ARID5A: variants seen among roughly 807,000 people sequenced by gnomAD.
ARID5A encodes AT-rich interactive domain-containing protein 5A.
Under a neutral mutation model 30.5 loss-of-function variants are expected in ARID5A, and 14 were observed. That is an observed-to-expected ratio of 0.46 (90% confidence interval 0.30 to 0.72). The LOEUF (loss-of-function observed/expected upper bound fraction) is 0.72, where lower values mean the gene tolerates loss of function less well. Among genes scored for constraint, ARID5A ranks in the 30% least tolerant of loss-of-function variants. The pLI, the probability that ARID5A is intolerant of heterozygous loss-of-function variation, is 0.07. For synonymous variants in ARID5A, 338 were observed against 340.4 expected (o/e 0.99, Z 0.08); for missense variants, 669 against 786.2 (o/e 0.85, Z 1.78).
intron 2 of ARID5A, among the ~76,000 whole-genome samples, chr2:96,547,931 T>G (rs941135728): frequency 6.6e-6 from 1 of 152,210 alleles, no homozygotes; most frequent in African/African-American, 2.4e-5. Context: ...CCGGCTTTCA[T>G]TCATTTTGGC....
chr2:96,537,733 C>T lies in ARID5A; in HGVS notation c.4+903C>T, dbSNP rs921606713. ...GGGCCAACCCGGGCCCGCGCTCCGT[C>T]CCTCCGCGGTGTCTAGGGGTCGCCC... On this transcript the variant is annotated intron_variant, in intron 1 of 6. Transcript: ENST00000357485. The surrounding 1 kb of genome is among the most constrained non-coding windows in gnomAD (Gnocchi z 4.8). The T allele has an allele frequency of 8.0e-5, 35 of 436,726 alleles. No homozygotes were observed. The highest frequency in any genetic ancestry group is 1.0e-4 in the Non-Finnish European group (34 of 328,352). 27.1% of individuals were successfully genotyped at this position (436,726 alleles called of 1,614,324 possible).
Position 96,550,045 on chromosome 2 carries a change from A to G in ARID5A, c.313-143A>G. 2 of 1,533,148 alleles carry G rather than the reference A, an allele frequency of 1.3e-6. No homozygotes were observed. Among genetic ancestry groups the G allele is most frequent in the South Asian group, 2.4e-5 (2 of 83,202 alleles). The allele number at this position is 1,533,148 out of a possible 1,614,324, so 95.0% of individuals were successfully genotyped here. On this transcript the variant is annotated intron_variant, in intron 4 of 6. Coordinates refer to ENST00000357485, the MANE Select transcript of ARID5A (RefSeq NM_212481.3). This position sits in a 1 kb window ranked among gnomAD's most constrained non-coding sequence, Gnocchi z 6.6. ...GGCCAGCAGTCCATGGCCCTAGGAG[A>G]GAGAATCGGCTGGCCGCTGCTGGAG...
chr2:96,549,267 C>G lies in ARID5A; in HGVS notation c.121-54C>G. 1 of 1,589,004 alleles carries G rather than the reference C, an allele frequency of 6.3e-7. No homozygotes were observed. The highest frequency in any genetic ancestry group is 8.6e-7 in the Non-Finnish European group (1 of 1,167,806). On this transcript the variant is annotated intron_variant, in intron 2 of 6. Coordinates refer to ENST00000357485, the MANE Select transcript of ARID5A (RefSeq NM_212481.3). The surrounding 1 kb of genome is among the most constrained non-coding windows in gnomAD (Gnocchi z 6.1). The stretch of plus-strand genomic sequence containing the variant: ...GCAGCCAGTGGTTTCTGCACATCCC[C>G]AGCAGCCAGCCACCAACTGGGGCCC...
Position 96,537,883 on chromosome 2 carries a change from T to G in ARID5A, c.4+1053T>G. ...CAGTGTCCCTTTGTTTGCAGAGTCT[T>G]GGGCCAGTAAGGAGTGCTCCGCGGG... On this transcript the variant is annotated intron_variant, in intron 1 of 6. Transcript: ENST00000357485. The surrounding 1 kb of genome is among the most constrained non-coding windows in gnomAD (Gnocchi z 4.8). 1.0e-6 allele frequency: 1 copy of G among 985,400 alleles called. No individual in the cohort carries two copies. The highest frequency in any genetic ancestry group is 1.2e-6 in the Non-Finnish European group (1 of 830,000). The allele number at this position is 985,400 out of a possible 1,614,324, so 61.0% of individuals were successfully genotyped here. A position where few individuals can be genotyped will look rare whatever the true frequency, so the allele number is the denominator to read the frequency against.
At chr2:96,544,596 G>GC (rs2065895875) in intron 1 of ARID5A, among the ~76,000 whole-genome samples, 1 of 152,140 alleles carries the variant, frequency 6.6e-6, no homozygotes, top group Non-Finnish European at 1.5e-5. Context: ...GAGACCTACT[G>GC]CTCAGAAAAA....
At position 96,547,406 on chromosome 2, in the gene ARID5A, C is replaced by A; in HGVS notation, c.9C>A (p.Ala3=). ...TCCTTCCCTCTCTCCTTGCAGCAGC[C>A]CCTGTCAAAGGGAACAGGAAGCAGT... The part of the protein sequence containing the change: MA[A]PVKGNRKQST... The change falls in exon 2 of 7, where the codon GCC becomes GCA. Residue 3 remains alanine, a synonymous_variant. Transcript: ENST00000357485. The A allele has an allele frequency of 6.2e-7, 1 of 1,613,644 alleles. No homozygotes were observed. Among genetic ancestry groups the A allele is most frequent in the South Asian group, 1.1e-5 (1 of 91,072 alleles).
chr2:96,551,655 G>A lies in ARID5A; in HGVS notation c.1127G>A (p.Gly376Asp). Residue 376 changes from glycine (G) to aspartate (D), a missense_variant, in exon 7 of 7, where the codon GGC becomes GAC. Gly to Asp is a moderately conservative substitution (Grantham distance 94, BLOSUM62 -1). Coordinates refer to ENST00000357485, the MANE Select transcript of ARID5A (RefSeq NM_212481.3). ...GATGGGGTGCTATTGGGGCCTCCTG[G>A]CAAAGAGGGGCTGTCAGTGAAAGAG... ...LKDGVLLGPP[G>D]KEGLSVKEPQ... 1 of 1,523,728 alleles carries A rather than the reference G, an allele frequency of 6.6e-7. No homozygotes were observed. Among genetic ancestry groups the A allele is most frequent in the South Asian group, 1.3e-5 (1 of 75,916 alleles). The allele number at this position is 1,523,728 out of a possible 1,614,324, so 94.4% of individuals were successfully genotyped here. A position where few individuals can be genotyped will look rare whatever the true frequency, so the allele number is the denominator to read the frequency against.
In ARID5A at chr2:96,552,198, C is replaced by T. The variant is rs765201285; in HGVS notation, c.1670C>T (p.Thr557Met). The change falls in exon 7 of 7, where the codon ACG becomes ATG. Residue 557 changes from threonine to methionine, a missense_variant. Physicochemically the swap from Thr to Met is moderately conservative, Grantham distance 81. Around this residue, in one of 4 missense-constraint regions of ARID5A, gnomAD observed 548 missense variants for 577.4 expected, o/e 0.95. Transcript: ENST00000357485. ...GCTGGCCTGATGCACTTCCCCCCAA[C>T]GTCCTTCGACAGTGCCCTCCGCCAC... ...MAAGLMHFPP[T>M]SFDSALRHRL... 3.0e-5 allele frequency: 49 copies of T among 1,613,400 alleles called. No individual in the cohort carries two copies. Among genetic ancestry groups the T allele is most frequent in the South Asian group, 2.1e-4 (19 of 91,054 alleles).
rs1487755144 is a variant in ARID5A, at chr2:96,550,294, G to T, written c.410+9G>T. 1 of 1,438,916 alleles carries T rather than the reference G, an allele frequency of 6.9e-7. No homozygotes were observed. The highest frequency in any genetic ancestry group is 2.9e-5 in the Admixed American group (1 of 33,994). The allele number at this position is 1,438,916 out of a possible 1,614,324, so 89.1% of individuals were successfully genotyped here. On this transcript the variant is annotated intron_variant, in intron 5 of 6. Coordinates refer to ENST00000357485, the MANE Select transcript of ARID5A (RefSeq NM_212481.3). This position sits in a 1 kb window ranked among gnomAD's most constrained non-coding sequence, Gnocchi z 6.6. ...CGCCGCCACTACGAGAGGTACGGCG[G>T]GGCGGGCCCGGGTGCTGGACGCCGC...
rs1273368354 is a variant in ARID5A at position 96,550,781 on chromosome 2, C to G, written c.570+48C>G. Reference sequence around the variant, plus strand: ...CCACCCTGTCCCTTGCCTCTTGTAGCCCCCTACCCCACAACTCCCTGTGGC... The same window carrying G: ...CCACCCTGTCCCTTGCCTCTTGTAGGCCCCTACCCCACAACTCCCTGTGGC... On this transcript the variant is annotated intron_variant, in intron 6 of 6. Coordinates refer to ENST00000357485, the MANE Select transcript of ARID5A (RefSeq NM_212481.3). This position sits in a 1 kb window ranked among gnomAD's most constrained non-coding sequence, Gnocchi z 6.6. 6.7e-7 allele frequency: 1 copy of G among 1,496,792 alleles called. No individual in the cohort carries two copies. The highest frequency in any genetic ancestry group is 2.4e-5 in the Admixed American group (1 of 41,820). 92.7% of individuals were successfully genotyped at this position (1,496,792 alleles called of 1,614,324 possible). A position where few individuals can be genotyped will look rare whatever the true frequency, so the allele number is the denominator to read the frequency against.
rs766940215 is a variant in ARID5A at position 96,551,440 on chromosome 2, G to A, written c.912G>A (p.Leu304=). The change falls in exon 7 of 7, where the codon CTG becomes CTA. Residue 304 remains leucine, a synonymous_variant. Transcript: ENST00000357485. ...AGAGTCCCCAGAGCCCCAAAGGGCT[G>A]ACTGAGAACTCCAGGCACCGGCTGA... The part of the protein sequence containing the change: ...LPESPQSPKG[L]TENSRHRLTP... The A allele has an allele frequency of 7.5e-6, 12 of 1,595,902 alleles. No individual in the cohort carries two copies. The East Asian group carries it at 1.6e-4, about 21-fold the overall frequency.
Position 96,537,740 on chromosome 2 carries a change from C to T in ARID5A, c.4+910C>T. On this transcript the variant is annotated intron_variant, in intron 1 of 6. Coordinates refer to ENST00000357485, the MANE Select transcript of ARID5A (RefSeq NM_212481.3). This position sits in a 1 kb window ranked among gnomAD's most constrained non-coding sequence, Gnocchi z 4.8. The stretch of plus-strand genomic sequence containing the variant: ...CCCGGGCCCGCGCTCCGTCCCTCCG[C>T]GGTGTCTAGGGGTCGCCCGGGCTGG... 2.0e-6 allele frequency: 1 copy of T among 492,666 alleles called. No individual in the cohort carries two copies. Among genetic ancestry groups the T allele is most frequent in the Non-Finnish European group, 2.6e-6 (1 of 379,604 alleles). The allele number at this position is 492,666 out of a possible 1,614,324, so 30.5% of individuals were successfully genotyped here. A position where few individuals can be genotyped will look rare whatever the true frequency, so the allele number is the denominator to read the frequency against.
chr2:96,545,955 A>G (rs1174206199), intron 1 of ARID5A, among the ~76,000 whole-genome samples: 1 of 148,792 alleles, frequency 6.7e-6, no homozygotes, highest in African/African-American at 2.4e-5. Flanking sequence ...TTCTGACTCA[A>G]AAAAAAAAAA....
intron 1 of ARID5A, among the ~76,000 whole-genome samples, chr2:96,538,511 G>A (rs1352268392): frequency 2.0e-5 from 3 of 152,200 alleles, no homozygotes; most frequent in Non-Finnish European, 4.4e-5. Flanking sequence ...CCTGTGCCCT[G>A]TTAGGGAGTG....
intron 1 of ARID5A, among the ~76,000 whole-genome samples, chr2:96,540,393 C>T (rs980359140): frequency 6.6e-5 from 10 of 152,354 alleles, no homozygotes; most frequent in Non-Finnish European, 1.0e-4. Context: ...GACTGGGTCA[C>T]TAGGAGCCCA....
chr2:96,552,207 A>T lies in ARID5A; in HGVS notation c.1679A>T (p.Asp560Val). 6.2e-7 allele frequency: 1 copy of T among 1,613,430 alleles called. No individual in the cohort carries two copies. The highest frequency in any genetic ancestry group is 8.5e-7 in the Non-Finnish European group (1 of 1,179,970). ...GLMHFPPTSF[D>V]SALRHRLCPA... ...ATGCACTTCCCCCCAACGTCCTTCG[A>T]CAGTGCCCTCCGCCACAGACTTTGC... is the stretch of plus-strand genomic sequence containing the variant. Residue 560 changes from aspartate to valine, a missense_variant, in exon 7 of 7, where the codon GAC becomes GTC. By Grantham distance (152) the Asp-to-Val change is radical. This residue lies in a region of ARID5A where 548 missense variants were observed against 577.4 expected (regional missense o/e 0.95). Coordinates refer to ENST00000357485, the MANE Select transcript of ARID5A (RefSeq NM_212481.3).
chr2:96,550,318 G>A lies in ARID5A; in HGVS notation c.410+33G>A. ...GGGGCGGGCCCGGGTGCTGGACGCCGCCTACCCTGCGGGGCTTTGGCCGAC... is the reference window on the plus strand; with the variant it reads ...GGGGCGGGCCCGGGTGCTGGACGCCACCTACCCTGCGGGGCTTTGGCCGAC... On this transcript the variant is annotated intron_variant, in intron 5 of 6. Transcript: ENST00000357485. The surrounding 1 kb of genome is among the most constrained non-coding windows in gnomAD (Gnocchi z 6.6). 2 of 1,428,060 alleles carry A rather than the reference G, an allele frequency of 1.4e-6. No individual in the cohort carries two copies. Among genetic ancestry groups the A allele is most frequent in the Non-Finnish European group, 9.1e-7 (1 of 1,099,384 alleles). 88.5% of individuals were successfully genotyped at this position (1,428,060 alleles called of 1,614,324 possible).
intron 2 of ARID5A, among the ~76,000 whole-genome samples, chr2:96,548,676 C>G (rs986273150): frequency 6.6e-6 from 1 of 152,232 alleles, no homozygotes; most frequent in Non-Finnish European, 1.5e-5. Flanking sequence ...CCTAGGCTCT[C>G]TGCCCCGAGC....
At position 96,552,477 on chromosome 2, in the gene ARID5A, G is replaced by T; in HGVS notation, c.*164G>T. Reference sequence around the variant, plus strand: ...TGAAGAAGAAGGCAGTGGGAAAACTGGGTTTATCTCAAGGCAGCAGCCTGA... The same window carrying T: ...TGAAGAAGAAGGCAGTGGGAAAACTTGGTTTATCTCAAGGCAGCAGCCTGA... On this transcript the variant is annotated 3_prime_UTR_variant, in exon 7 of 7. Transcript: ENST00000357485. 2 of 1,538,734 alleles carry T rather than the reference G, an allele frequency of 1.3e-6. No homozygotes were observed. The highest frequency in any genetic ancestry group is 4.9e-5 in the East Asian group (2 of 40,922).
Sources: allele counts gnomAD v4.1 joint callset (sites outside exome capture counted in the v4.1 genomes callset), GRCh38; gene constraint gnomAD v4.1.1; regional missense constraint gnomAD v4.1.1; non-coding constraint Gnocchi (gnomAD v3.1); transcripts MANE v1.5; gene names NCBI Gene and HGNC (gene_info 2026-07-23, HGNC 2026-07-21).